Variants in GRID1 observed in about 807,000 individuals in gnomAD.
The protein encoded by GRID1 is glutamate ionotropic receptor delta type subunit 1.
A neutral mutation model predicts 98.0 loss-of-function variants in GRID1; 28 were observed. The observed-to-expected ratio is 0.29, with a 90% CI of 0.21 to 0.39. GRID1 has a LOEUF of 0.39. Among genes scored for constraint, GRID1 ranks in the 10% least tolerant of loss-of-function variants. The pLI, the probability that GRID1 is intolerant of heterozygous loss-of-function variation, is 1.00. For synonymous variants in GRID1, 553 were observed against 538.5 expected (o/e 1.03, Z -0.37); for missense variants, 1,111 against 1,340.5 (o/e 0.83, Z 2.67).
intron 12 of GRID1, among the ~76,000 whole-genome samples, chr10:85,711,063 T>C (rs1841576828): frequency 6.6e-6 from 1 of 152,068 alleles, no homozygotes; most frequent in Admixed American, 6.6e-5. Context: ...GAAAACTGTA[T>C]GGTTATTCTT....
rs184417597 is a variant in GRID1, at chr10:85,719,657, C to T, written c.1997+3346G>A. ...ATGATTCAATTACCTCTCCCTGGGT[C>T]CCTCCCACAACACGTGGGAATTCTG... On this transcript the variant is annotated intron_variant, in intron 12 of 15. Transcript: ENST00000327946. 1.7e-3 allele frequency among the ~76,000 whole-genome samples: 253 copies of T among 152,180 alleles called. 2 individuals carry two copies. The highest frequency in any genetic ancestry group is 5.7e-3 in the African/African-American group (235 of 41,534).
At chr10:85,936,633 G>A (rs939375839) in intron 4 of GRID1, among the ~76,000 whole-genome samples, 8 of 152,156 alleles carry the variant, frequency 5.3e-5, no homozygotes, top group African/African-American at 1.9e-4. Flanking sequence ...TTGTTGCCTT[G>A]CCTACTGGGA....
At chr10:86,144,773 G>T (rs1845061343) in intron 3 of GRID1, among the ~76,000 whole-genome samples, 1 of 152,026 alleles carries the variant, frequency 6.6e-6, no homozygotes, top group Admixed American at 6.5e-5. Flanking sequence ...CTAGTCCTAG[G>T]TTTCCCCCTG....
At chr10:86,180,315 T>G (rs1269904993) in intron 3 of GRID1, among the ~76,000 whole-genome samples, 2 of 152,098 alleles carry the variant, frequency 1.3e-5, no homozygotes, top group African/African-American at 4.8e-5. Flanking sequence ...ACAAATGGCA[T>G]AGAGGCCCAG....
At chr10:85,798,096 C>A (rs926212276) in intron 8 of GRID1, among the ~76,000 whole-genome samples, 2 of 152,126 alleles carry the variant, frequency 1.3e-5, no homozygotes, top group African/African-American at 2.4e-5. Context: ...CTTTTGAGTA[C>A]AATGATCTAT....
chr10:85,620,514 C>T (rs1018387683), intron 13 of GRID1, among the ~76,000 whole-genome samples: 1 of 151,808 alleles, frequency 6.6e-6, no homozygotes, highest in African/African-American at 2.4e-5. Flanking sequence ...TGTCTGAGCT[C>T]TGCTTAGGGT....
At chr10:86,228,556 T>C (rs1231058767) in intron 2 of GRID1, among the ~76,000 whole-genome samples, 1 of 152,090 alleles carries the variant, frequency 6.6e-6, no homozygotes, top group African/African-American at 2.4e-5. Context: ...CCTGACACCC[T>C]GGCCAGGCAT....
intron 4 of GRID1, among the ~76,000 whole-genome samples, chr10:86,091,222 GGCAGATAGCC>G (rs1844141968): frequency 6.6e-6 from 1 of 152,186 alleles, no homozygotes; most frequent in Non-Finnish European, 1.5e-5. Context: ...CCAGGTGGGA[GGCAGATAGCC>G]TTGGGCAAAT....
chr10:85,704,375 C>A (rs543938364), intron 12 of GRID1, among the ~76,000 whole-genome samples: 1,638 of 152,166 alleles, frequency 0.011, 23 homozygotes, highest in African/African-American at 0.037. Context: ...ACAAAGAAGG[C>A]CATTACATAA....
intron 4 of GRID1, among the ~76,000 whole-genome samples, chr10:86,048,273 G>A (rs1400895496): frequency 2.0e-5 from 3 of 152,124 alleles, no homozygotes; most frequent in African/African-American, 4.8e-5. Flanking sequence ...TGACTTCTTT[G>A]ACCTCTAGAG....
chr10:85,804,522 T>A (rs1218057857), intron 8 of GRID1, among the ~76,000 whole-genome samples: 5 of 151,844 alleles, frequency 3.3e-5, no homozygotes, highest in Non-Finnish European at 7.4e-5. Context: ...ATATGACCAA[T>A]GTTATACTCA....
chr10:86,339,820 G>A (rs1848284968), intron 2 of GRID1, among the ~76,000 whole-genome samples: 1 of 152,204 alleles, frequency 6.6e-6, no homozygotes. Flanking sequence ...CGGCGCTAGA[G>A]ATGAGGACCC....
At chr10:85,629,684 C>T (rs761902831) in intron 13 of GRID1, among the ~76,000 whole-genome samples, 1 of 152,158 alleles carries the variant, frequency 6.6e-6, no homozygotes, top group Admixed American at 6.5e-5. Flanking sequence ...CTGCTATAAA[C>T]ATATAACTAC....
chr10:85,883,488 CTCTG>C (rs1841065596), intron 5 of GRID1, among the ~76,000 whole-genome samples: 1 of 150,372 alleles, frequency 6.7e-6, no homozygotes, highest in African/African-American at 2.5e-5. Context: ...GTCCTTCTCT[CTCTG>C]TCTCTCTCTC....
chr10:85,728,857 C>G (rs923277994), intron 9 of GRID1, among the ~76,000 whole-genome samples: 2 of 152,110 alleles, frequency 1.3e-5, no homozygotes, highest in African/African-American at 4.8e-5. Flanking sequence ...GGTTTCTAAG[C>G]CAAGGGAATG....
At chr10:86,339,524 G>A (rs756388594) in intron 2 of GRID1, among the ~76,000 whole-genome samples, 2 of 152,258 alleles carry the variant, frequency 1.3e-5, no homozygotes, top group African/African-American at 2.4e-5. Flanking sequence ...GATGCACACC[G>A]AGGAAGAAAG....
chr10:85,743,106 C>G lies in GRID1; in HGVS notation c.1234-13492G>C, dbSNP rs1344316831. Among the ~76,000 whole-genome samples the G allele has an allele frequency of 1.8e-4, 6 of 33,420 alleles. No homozygotes were observed. The South Asian group carries it at 8.1e-3, about 45-fold the overall frequency. The allele number at this position is 33,420 out of a possible 152,430, so 21.9% of individuals were successfully genotyped here. A position where few individuals can be genotyped will look rare whatever the true frequency, so the allele number is the denominator to read the frequency against. On this transcript the variant is annotated intron_variant, in intron 8 of 15. Transcript: ENST00000327946. ...ACCCTTGGAGGATAGAATTATGCAG[C>G]CCCCCCCCCCACCACCCATTGAGAA... is the stretch of plus-strand genomic sequence containing the variant.
At chr10:86,339,454 G>A (rs914685552) in intron 2 of GRID1, among the ~76,000 whole-genome samples, 26 of 152,236 alleles carry the variant, frequency 1.7e-4, no homozygotes, top group Non-Finnish European at 3.2e-4. Flanking sequence ...CAGCTCCCAG[G>A]GGTGTGGTAG....
chr10:85,772,296 G>C (rs910082937), intron 8 of GRID1, among the ~76,000 whole-genome samples: 1 of 151,724 alleles, frequency 6.6e-6, no homozygotes, highest in African/African-American at 2.4e-5. Flanking sequence ...CACAACATAC[G>C]AGAATCTCTG....
Sources: gnomAD v4.1 joint callset for allele counts (sites outside exome capture counted in the v4.1 genomes callset) on GRCh38, gnomAD v4.1.1 for gene constraint, MANE v1.5 for transcripts, NCBI Gene and HGNC (gene_info 2026-07-23, HGNC 2026-07-21) for gene names.